The following ZNF212 variants were observed in gnomAD, a reference collection of about 807,000 sequenced individuals.
The protein encoded by ZNF212 is zinc finger protein 212.
A neutral mutation model predicts 47.3 loss-of-function variants in ZNF212; 32 were observed. The ratio of observed to expected loss-of-function variants is 0.68; its 90% CI spans 0.51 to 0.91. ZNF212 has a LOEUF of 0.91. Ranked by LOEUF, ZNF212 falls within the 40% of genes least tolerant of loss-of-function variation. The probability of loss-of-function intolerance (pLI) is 0.00; values close to 1 mark genes in which losing one functional copy is unlikely to be tolerated. For synonymous variants in ZNF212, 242 were observed against 253.8 expected (o/e 0.95, Z 0.44); for missense variants, 555 against 622.8 (o/e 0.89, Z 1.16).
Position 149,254,391 on chromosome 7 carries a change from C to G in ZNF212, c.1464C>G (p.Pro488=). The G allele has an allele frequency of 1.2e-6, 2 of 1,603,546 alleles. No individual in the cohort carries two copies. Among genetic ancestry groups the G allele is most frequent in the Non-Finnish European group, 1.7e-6 (2 of 1,179,312 alleles). ...AGCGGGGTGGGCTGGCCCTGGAGCCCGGAAGGCCCAATGGCCTGCTTTAAG... is the reference window on the plus strand; with the variant it reads ...AGCGGGGTGGGCTGGCCCTGGAGCCGGGAAGGCCCAATGGCCTGCTTTAAG... ...QRERGGLALE[P]GRPNGLL Residue 488 remains proline, a synonymous_variant, in exon 5 of 5, where the codon CCC becomes CCG. Transcript: ENST00000335870. The surrounding 1 kb of genome is among the most constrained non-coding windows in gnomAD (Gnocchi z 4.5).
intron 1 of ZNF212, among the ~76,000 whole-genome samples, chr7:149,244,576 G>A (rs577013204): frequency 2.4e-4 from 37 of 152,212 alleles, no homozygotes; most frequent in Non-Finnish European, 3.5e-4. Context: ...GCCTCCCAAA[G>A]GGCTGGAATT....
At position 149,254,077 on chromosome 7, in the gene ZNF212, C is replaced by T; in HGVS notation, c.1150C>T (p.Leu384=). The change falls in exon 5 of 5, where the codon CTG becomes TTG. Residue 384 remains leucine, a synonymous_variant. Coordinates refer to ENST00000335870, the MANE Select transcript of ZNF212 (RefSeq NM_012256.4). The surrounding 1 kb of genome is among the most constrained non-coding windows in gnomAD (Gnocchi z 4.5). ...GAGGAGCTTCAGCTGCAAGGTGAGCCTGGTGACCCATCAGCGTTGCCACCT... is the reference window on the plus strand; with the variant it reads ...GAGGAGCTTCAGCTGCAAGGTGAGCTTGGTGACCCATCAGCGTTGCCACCT... The part of the protein sequence containing the change: ...CLRSFSCKVS[L]VTHQRCHLQE... The T allele has an allele frequency of 2.5e-6, 4 of 1,612,904 alleles. No individual in the cohort carries two copies. Among genetic ancestry groups the T allele is most frequent in the Non-Finnish European group, 3.4e-6 (4 of 1,179,460 alleles).
chr7:149,254,710 T>G lies in ZNF212; in HGVS notation c.*295T>G, dbSNP rs1796811402. ...GTTGGCGTTCTGACCCCACAGGGAC[T>G]GGTGGCTGGTTCCAGGGCTCGTCCC... On this transcript the variant is annotated 3_prime_UTR_variant, in exon 5 of 5. Coordinates refer to ENST00000335870, the MANE Select transcript of ZNF212 (RefSeq NM_012256.4). This position sits in a 1 kb window ranked among gnomAD's most constrained non-coding sequence, Gnocchi z 4.5. 2.7e-6 allele frequency: 1 copy of G among 372,520 alleles called. No individual in the cohort carries two copies. 23.1% of individuals were successfully genotyped at this position (372,520 alleles called of 1,614,324 possible).
Position 149,253,595 on chromosome 7 carries a change from C to G in ZNF212, c.668C>G (p.Thr223Arg), listed in dbSNP as rs1796790468. 1.9e-6 allele frequency: 3 copies of G among 1,613,386 alleles called. No individual in the cohort carries two copies. Among genetic ancestry groups the G allele is most frequent in the Non-Finnish European group, 2.5e-6 (3 of 1,179,430 alleles). Residue 223 changes from threonine to arginine, a missense_variant, in exon 5 of 5, where the codon ACA becomes AGA. Coordinates refer to ENST00000335870, the MANE Select transcript of ZNF212 (RefSeq NM_012256.4). ...GVMIKQELQYTQEGPADLPGE... is the reference protein window; with the variant it reads ...GVMIKQELQYRQEGPADLPGE... The stretch of plus-strand genomic sequence containing the variant: ...ATGATCAAACAGGAGCTACAGTATA[C>G]ACAGGAAGGCCCTGCGGATCTTCCT...
intron 1 of ZNF212, among the ~76,000 whole-genome samples, chr7:149,245,969 C>T (rs1483196935): frequency 1.3e-5 from 2 of 152,160 alleles, no homozygotes; most frequent in African/African-American, 4.8e-5. Context: ...GTGTCTGTTT[C>T]ATGTTTGTCA....
At chr7:149,248,707 A>G (rs557998744) in intron 1 of ZNF212, among the ~76,000 whole-genome samples, 17 of 152,318 alleles carry the variant, frequency 1.1e-4, no homozygotes, top group Non-Finnish European at 2.4e-4. Context: ...AACAAACATG[A>G]TGGCATGCAT....
intron 3 of ZNF212, among the ~76,000 whole-genome samples, chr7:149,252,250 G>A (rs547253929): frequency 1.6e-4 from 24 of 152,176 alleles, no homozygotes; most frequent in South Asian, 1.2e-3. Context: ...TAGAAAATGG[G>A]CCAGAAAAGT....
At chr7:149,249,731 C>T (rs752606350) in intron 1 of ZNF212, among the ~76,000 whole-genome samples, 6 of 152,110 alleles carry the variant, frequency 3.9e-5, no homozygotes, top group Admixed American at 3.3e-4. Context: ...GGGCTCAAAC[C>T]GTCCTCCCAC....
At chr7:149,251,491 CTTTTT>C (rs71194634) in intron 3 of ZNF212, among the ~76,000 whole-genome samples, 4 of 77,434 alleles carry the variant, frequency 5.2e-5, no homozygotes, top group African/African-American at 1.0e-4. Context: ...CCTGTTTTAT[CTTTTT>C]TTTTTTTTTT....
At position 149,240,045 on chromosome 7, in the gene ZNF212, C is replaced by G. The variant is rs1202427; in HGVS notation, c.24+243C>G. ...CGCCCTTGCCCAGAAACTTCTCTGA[C>G]GCTTGCTTTAGGTTGGTGGATTTGT... On this transcript the variant is annotated intron_variant, in intron 1 of 4. Transcript: ENST00000335870. 25 of 416,676 alleles carry G rather than the reference C, an allele frequency of 6.0e-5. No homozygotes were observed. The East Asian group carries it at 8.9e-4, about 15-fold the overall frequency. 25.8% of individuals were successfully genotyped at this position (416,676 alleles called of 1,614,324 possible).
At chr7:149,244,629 A>G (rs1563187561) in intron 1 of ZNF212, among the ~76,000 whole-genome samples, 2 of 152,206 alleles carry the variant, frequency 1.3e-5, no homozygotes, top group African/African-American at 4.8e-5. Context: ...GATTTTTTTA[A>G]TCCATATATC....
Position 149,250,170 on chromosome 7 carries a change from A to G in ZNF212, c.36A>G (p.Lys12=). The part of the protein sequence containing the change: ...AESAPARHRR[K]RRSTPLTSST... ...CTTTAATCCATCAGCACAGGAGAAA[A>G]CGACGCTCCACACCTTTAACTTCTT... is the stretch of plus-strand genomic sequence containing the variant. Residue 12 remains lysine (K), a synonymous_variant, in exon 2 of 5, where the codon AAA becomes AAG. Transcript: ENST00000335870. 1 of 1,526,970 alleles carries G rather than the reference A, an allele frequency of 6.5e-7. No individual in the cohort carries two copies. The highest frequency in any genetic ancestry group is 8.8e-7 in the Non-Finnish European group (1 of 1,140,018). 94.6% of individuals were successfully genotyped at this position (1,526,970 alleles called of 1,614,324 possible).
At chr7:149,249,566 A>G (rs765831269) in intron 1 of ZNF212, among the ~76,000 whole-genome samples, 2 of 152,018 alleles carry the variant, frequency 1.3e-5, no homozygotes, top group Non-Finnish European at 2.9e-5. Context: ...TTTTGTTGAA[A>G]AAAAATAAAC....
intron 1 of ZNF212, among the ~76,000 whole-genome samples, chr7:149,240,885 T>A (rs767433436): frequency 1.3e-5 from 2 of 152,180 alleles, no homozygotes; most frequent in Non-Finnish European, 2.9e-5. Context: ...ACGGAGAGAT[T>A]GGGAGACTTA....
intron 4 of ZNF212, 139 bp from the exon 5 acceptor site, chr7:149,253,420 C>T: frequency 2.0e-6 from 2 of 1,016,346 alleles, no homozygotes; most frequent in Non-Finnish European, 2.8e-6. Flanking sequence ...TGGAACCTAG[C>T]CAGTGTCATC....
chr7:149,252,765 G>A lies in ZNF212; in HGVS notation c.601G>A (p.Glu201Lys). ...GGGTACAGAGATGCTGGGTGACTTG[G>A]AAGAGGAAGGTCCTGGTGGTGCCCA... is the stretch of plus-strand genomic sequence containing the variant. ...ELGTEMLGDL[E>K]EEGPGGAHPA... The change falls in exon 4 of 5, where the codon GAA (glutamate) becomes AAA (lysine). Residue 201 changes from glutamate to lysine, a missense_variant. Glu to Lys is a moderately conservative substitution (Grantham distance 56, BLOSUM62 1). Coordinates refer to ENST00000335870, the MANE Select transcript of ZNF212 (RefSeq NM_012256.4). 1 of 1,614,066 alleles carries A rather than the reference G, an allele frequency of 6.2e-7. No homozygotes were observed. The highest frequency in any genetic ancestry group is 8.5e-7 in the Non-Finnish European group (1 of 1,180,016).
chr7:149,250,202 T>A lies in ZNF212; in HGVS notation c.68T>A (p.Leu23His). ...TCCACACCTTTAACTTCTTCCACACTTCCTTCACAAGCAACAGAGAAAAGC... is the reference window on the plus strand; with the variant it reads ...TCCACACCTTTAACTTCTTCCACACATCCTTCACAAGCAACAGAGAAAAGC... ...RRSTPLTSST[L>H]PSQATEKSSY... is the part of the protein sequence containing the mutation. The change falls in exon 2 of 5, where the codon CTT becomes CAT. Residue 23 changes from leucine (L) to histidine (H), a missense_variant. Physicochemically the swap from Leu to His is moderately conservative, Grantham distance 99 (BLOSUM62 -3). Coordinates refer to ENST00000335870, the MANE Select transcript of ZNF212 (RefSeq NM_012256.4). 3 of 1,564,658 alleles carry A rather than the reference T, an allele frequency of 1.9e-6. No homozygotes were observed. The highest frequency in any genetic ancestry group is 2.6e-6 in the Non-Finnish European group (3 of 1,156,138).
chr7:149,239,924 G>A (rs1173329364), intron 1 of ZNF212, 122 bp downstream of exon 1: 2 of 1,111,264 alleles, frequency 1.8e-6, no homozygotes, highest in African/African-American at 1.6e-5. Flanking sequence ...TGCCGTTGGC[G>A]CGGGTGAACG....
At chr7:149,243,430 T>A (rs1796625298) in intron 1 of ZNF212, among the ~76,000 whole-genome samples, 1 of 47,818 alleles carries the variant, frequency 2.1e-5, no homozygotes, top group Non-Finnish European at 3.8e-5. Context: ...TGAGACTCCG[T>A]CTCAAAAAAA....
Sources: gnomAD v4.1 joint callset for allele counts (sites outside exome capture counted in the v4.1 genomes callset) on GRCh38, gnomAD v4.1.1 for gene constraint, Gnocchi (gnomAD v3.1) non-coding constraint, MANE v1.5 for transcripts, NCBI Gene and HGNC (gene_info 2026-07-23, HGNC 2026-07-21) for gene names.